Variants in ANGPT4 observed in about 807,000 individuals in gnomAD.
The protein encoded by ANGPT4 is angiopoietin-4.
ANGPT4 carries 50 observed loss-of-function variants against 53.0 expected under a neutral mutation model. That is an observed-to-expected ratio of 0.94 (90% CI 0.75 to 1.20). ANGPT4 has a LOEUF of 1.20. ANGPT4 is among the 50% of genes most tolerant of loss of function. ANGPT4 has a pLI of 0.00. For synonymous variants in ANGPT4, 251 were observed against 259.7 expected, an observed-to-expected ratio of 0.97 and a Z score of 0.32; for missense variants, 648 against 637.1, an observed-to-expected ratio of 1.02 and a Z score of -0.18.
intron 1 of ANGPT4, among the ~76,000 whole-genome samples, chr20:903,487 C>T (rs951254913): frequency 2.1e-4 from 32 of 152,104 alleles, no homozygotes; most frequent in African/African-American, 7.7e-4. Flanking sequence ...CTCCCTGGGC[C>T]CCCAGGCTAT....
chr20:912,672 G>T (rs150385503), intron 1 of ANGPT4, among the ~76,000 whole-genome samples: 5 of 152,072 alleles, frequency 3.3e-5, no homozygotes, highest in Non-Finnish European at 2.9e-5. Flanking sequence ...GAGTGCAGGG[G>T]AGGAGGAGAG....
chr20:887,476 CA>C (rs900752534), intron 3 of ANGPT4, among the ~76,000 whole-genome samples: 4 of 152,328 alleles, frequency 2.6e-5, no homozygotes, highest in African/African-American at 9.6e-5. Flanking sequence ...TGAACAACAA[CA>C]TCTTGCCTGA....
Position 885,275 on chromosome 20 carries a change from A to T in ANGPT4, c.638T>A (p.Leu213Gln). ...CGCCTTCTTGCTGAGGATGCTGGCCAGCTCCTCCTGCTGCTTGGTCTCCAG... is the reference window on the plus strand; with the variant it reads ...CGCCTTCTTGCTGAGGATGCTGGCCTGCTCCTCCTGCTGCTTGGTCTCCAG... ...QALETKQQEELASILSKKAKL... is the reference protein window; with the variant it reads ...QALETKQQEEQASILSKKAKL... Residue 213 changes from leucine to glutamine, a missense_variant, in exon 4 of 9, where the codon CTG becomes CAG. Leu to Gln is a moderately radical substitution (Grantham distance 113). Transcript: ENST00000381922. The T allele has an allele frequency of 6.3e-7, 1 of 1,582,860 alleles. No homozygotes were observed. Among genetic ancestry groups the T allele is most frequent in the Admixed American group, 1.8e-5 (1 of 57,026 alleles).
chr20:881,326 A>C (rs374721068), intron 4 of ANGPT4, 40 bp from the exon 5 acceptor site: 4 of 1,591,226 alleles, frequency 2.5e-6, no homozygotes, highest in African/African-American at 1.3e-5. Context: ...GAGGTGGGCA[A>C]GGAAAGAGAG....
intron 4 of ANGPT4, among the ~76,000 whole-genome samples, chr20:884,206 G>T (rs927674989): frequency 2.0e-5 from 3 of 152,230 alleles, no homozygotes; most frequent in Non-Finnish European, 4.4e-5. Context: ...CAGGCTAAGA[G>T]CCCTTCTCCT....
Position 914,553 on chromosome 20 carries a change from G to A in ANGPT4, c.309+1353C>T, listed in dbSNP as rs952835737. Among the ~76,000 whole-genome samples, 27 of 152,036 alleles carry A rather than the reference G, an allele frequency of 1.8e-4. No individual in the cohort carries two copies. Among genetic ancestry groups the A allele is most frequent in the African/African-American group, 6.0e-4 (25 of 41,374 alleles). On this transcript the variant is annotated intron_variant, in intron 1 of 8. Transcript: ENST00000381922. The surrounding 1 kb of genome is among the most constrained non-coding windows in gnomAD (Gnocchi z 5.0). ...GGAGGTGGGGGCCGAGTGTTAGCAG[G>A]GAGCCAGGGGGGCAGCCAGGACAGC...
intron 6 of ANGPT4, among the ~76,000 whole-genome samples, chr20:879,040 C>G (rs1266369537): frequency 6.6e-6 from 1 of 152,186 alleles, no homozygotes; most frequent in African/African-American, 2.4e-5. Context: ...TATTTCTGCA[C>G]CTGGACACCC....
intron 1 of ANGPT4, among the ~76,000 whole-genome samples, chr20:895,743 A>T (rs377130815): frequency 6.6e-6 from 1 of 152,230 alleles, no homozygotes; most frequent in African/African-American, 2.4e-5. Flanking sequence ...TAAAAAGGAA[A>T]GAACCATTGA....
chr20:891,722 C>G (rs1019663227), intron 1 of ANGPT4, among the ~76,000 whole-genome samples: 1 of 152,242 alleles, frequency 6.6e-6, no homozygotes, highest in African/African-American at 2.4e-5. Flanking sequence ...TCTCTTCTCC[C>G]TTCTTCCATC....
intron 1 of ANGPT4, 118 bp downstream of exon 1, chr20:915,788 C>T (rs949596689): frequency 3.1e-6 from 4 of 1,272,104 alleles, no homozygotes; most frequent in African/African-American, 1.5e-5. Flanking sequence ...CCTCTTTGTG[C>T]AGCTCAGAGA....
At chr20:881,853 CTGGG>C (rs1981422459) in intron 4 of ANGPT4, among the ~76,000 whole-genome samples, 1 of 152,148 alleles carries the variant, frequency 6.6e-6, no homozygotes, top group Non-Finnish European at 1.5e-5. Context: ...AGACTCAAAG[CTGGG>C]AGGCCAGAGA....
chr20:884,686 C>T (rs1568832207), intron 4 of ANGPT4, among the ~76,000 whole-genome samples: 1 of 152,120 alleles, frequency 6.6e-6, no homozygotes, highest in Non-Finnish European at 1.5e-5. Flanking sequence ...CTCCCAGTTC[C>T]TCCCATTCTA....
At chr20:876,332 A>C (rs144985251) in intron 7 of ANGPT4, among the ~76,000 whole-genome samples, 5 of 151,894 alleles carry the variant, frequency 3.3e-5, no homozygotes, top group Non-Finnish European at 7.4e-5. Context: ...CCAGTCATAG[A>C]TTGTGTCTGT....
intron 1 of ANGPT4, 42 bp from the exon 2 acceptor site, chr20:890,410 G>A: frequency 6.4e-7 from 1 of 1,568,832 alleles, no homozygotes; most frequent in South Asian, 1.1e-5. Context: ...GAGGGGCGGG[G>A]GAAGCCCCCT....
chr20:875,826 G>T (rs1292200864), intron 7 of ANGPT4, among the ~76,000 whole-genome samples: 1 of 152,054 alleles, frequency 6.6e-6, no homozygotes, highest in Non-Finnish European at 1.5e-5. Context: ...CAATTTGGGA[G>T]CAATTAAGAA....
In ANGPT4 at chr20:908,615, T is replaced by G. The variant is rs1982573781; in HGVS notation, c.309+7291A>C. ...CTCCAGGGGCAAGGGGGAAGGATGGTCTTCCTTGCTCACTACTAAATCCTT... is the reference window on the plus strand; with the variant it reads ...CTCCAGGGGCAAGGGGGAAGGATGGGCTTCCTTGCTCACTACTAAATCCTT... On this transcript the variant is annotated intron_variant, in intron 1 of 8. Coordinates refer to ENST00000381922, the MANE Select transcript of ANGPT4 (RefSeq NM_015985.4). This position sits in a 1 kb window ranked among gnomAD's most constrained non-coding sequence, Gnocchi z 4.9. Among the ~76,000 whole-genome samples the G allele has an allele frequency of 6.6e-6, 1 of 152,196 alleles. No homozygotes were observed. Among genetic ancestry groups the G allele is most frequent in the Non-Finnish European group, 1.5e-5 (1 of 68,032 alleles).
chr20:890,416 C>T, intron 1 of ANGPT4, 48 bp from the exon 2 acceptor site: 1 of 1,554,174 alleles, frequency 6.4e-7, no homozygotes, highest in South Asian at 1.2e-5. Flanking sequence ...CGGGGGAAGC[C>T]CCCTGTCCCT....
chr20:878,238 C>G lies in ANGPT4; in HGVS notation c.1143G>C (p.Glu381Asp), dbSNP rs754110274. ...CCTCGTGGCCTTCCCAGTCTTGCAG[C>G]TCCACACGCAGAGAGTAGGCTGCCC... is the stretch of plus-strand genomic sequence containing the variant. ...TRRAAYSLRV[E>D]LQDWEGHEAY... The change falls in exon 7 of 9, where the codon GAG (glutamate) becomes GAC (aspartate). Residue 381 changes from glutamate to aspartate, a missense_variant. Coordinates refer to ENST00000381922, the MANE Select transcript of ANGPT4 (RefSeq NM_015985.4). The G allele has an allele frequency of 2.5e-6, 4 of 1,613,416 alleles. No individual in the cohort carries two copies. Among genetic ancestry groups the G allele is most frequent in the Non-Finnish European group, 3.4e-6 (4 of 1,179,380 alleles).
At chr20:915,251 C>T (rs1386664249) in intron 1 of ANGPT4, among the ~76,000 whole-genome samples, 6 of 152,036 alleles carry the variant, frequency 3.9e-5, no homozygotes. Flanking sequence ...ATGGCCTGCC[C>T]TGCTGTCACC....
Sources: allele counts gnomAD v4.1 joint callset (sites outside exome capture counted in the v4.1 genomes callset), GRCh38; gene constraint gnomAD v4.1.1; non-coding constraint Gnocchi (gnomAD v3.1); transcripts MANE v1.5; gene names NCBI Gene and HGNC (gene_info 2026-07-23, HGNC 2026-07-21).